GPC1: variants seen among roughly 807,000 people sequenced by gnomAD.
The protein encoded by GPC1 is glypican 1, also known as glypican-1.
GPC1 carries 26 observed loss-of-function variants against 51.5 expected under a neutral mutation model. The ratio of observed to expected loss-of-function variants is 0.50; its 90% CI spans 0.37 to 0.70. GPC1 has a LOEUF of 0.70. Ranked by LOEUF, GPC1 falls within the 30% of genes least tolerant of loss-of-function variation. The pLI is 0.00. For synonymous variants in GPC1, 380 were observed against 348.3 expected, an observed-to-expected ratio of 1.09 and a Z score of -1.01; for missense variants, 775 against 800.5, an observed-to-expected ratio of 0.97 and a Z score of 0.38.
rs1352310255 is a variant in GPC1 at position 240,459,040 on chromosome 2, G to T, written c.177G>T (p.Leu59=). The T allele has an allele frequency of 6.2e-7, 1 of 1,612,764 alleles. No individual in the cohort carries two copies. Among genetic ancestry groups the T allele is most frequent in the South Asian group, 1.1e-5 (1 of 91,074 alleles). ...GGCCTTTCCCCACAGGTGAGCACCT[G>T]CGGATCTGTCCCCAGGGCTACACCT... The part of the protein sequence containing the change: ...VPQAEISGEH[L]RICPQGYTCC... The change falls in exon 2 of 9, where the codon CTG becomes CTT. Residue 59 remains leucine, a synonymous_variant. Coordinates refer to ENST00000264039, the MANE Select transcript of GPC1 (RefSeq NM_002081.3).
At chr2:240,461,177 T>C (rs1177714723) in intron 2 of GPC1, among the ~76,000 whole-genome samples, 2 of 152,180 alleles carry the variant, frequency 1.3e-5, no homozygotes, top group Non-Finnish European at 2.9e-5. Context: ...GACAGCTGTG[T>C]GGCCCGTCCA....
chr2:240,441,325 G>T (rs1388286478), intron 1 of GPC1, among the ~76,000 whole-genome samples: 1 of 152,272 alleles, frequency 6.6e-6, no homozygotes, highest in African/African-American at 2.4e-5. Flanking sequence ...GACGAGCCAG[G>T]GGAGGGGCTC....
intron 1 of GPC1, chr2:240,456,127 G>C (rs1172278967): frequency 3.6e-6 from 1 of 280,744 alleles, no homozygotes; most frequent in Non-Finnish European, 7.1e-6. Flanking sequence ...CGAGTTGGCC[G>C]GGCGGGGCTG....
chr2:240,454,978 G>A (rs775999141), intron 1 of GPC1: 20 of 227,512 alleles, frequency 8.8e-5, no homozygotes, highest in Non-Finnish European at 1.8e-4. Flanking sequence ...AAACTGCGGG[G>A]TGGGGACATG....
chr2:240,450,623 C>G (rs1375780030), intron 1 of GPC1: 2 of 470,826 alleles, frequency 4.2e-6, no homozygotes, highest in Non-Finnish European at 4.4e-6. Context: ...TGTGTGACCT[C>G]CCATTCAGGG....
chr2:240,440,873 C>T (rs1330778675), intron 1 of GPC1, among the ~76,000 whole-genome samples: 2 of 152,274 alleles, frequency 1.3e-5, no homozygotes, highest in African/African-American at 2.4e-5. Context: ...CCTCACCCTC[C>T]GGCCTGGCTC....
At chr2:240,458,742 G>A (rs571016953) in intron 1 of GPC1, 4 of 397,600 alleles carry the variant, frequency 1.0e-5, no homozygotes, top group Non-Finnish European at 1.4e-5. Flanking sequence ...GCTTGCAGCT[G>A]CTGGGACAGC....
intron 3 of GPC1, among the ~76,000 whole-genome samples, chr2:240,463,120 G>A (rs551604762): frequency 1.1e-4 from 17 of 152,230 alleles, no homozygotes; most frequent in African/African-American, 3.9e-4. Flanking sequence ...AGCGGCATGC[G>A]GGTGAGGATA....
chr2:240,457,434 A>G (rs1384833431), intron 1 of GPC1: 2 of 470,660 alleles, frequency 4.2e-6, no homozygotes, highest in Admixed American at 4.7e-5. Context: ...GCGGAAGATC[A>G]GCAAACTCAG....
At chr2:240,442,128 C>A (rs542200650) in intron 1 of GPC1, among the ~76,000 whole-genome samples, 2 of 152,336 alleles carry the variant, frequency 1.3e-5, no homozygotes, top group East Asian at 3.9e-4. Context: ...CCTCCCTCCA[C>A]GGTGTCCTCC....
chr2:240,455,193 T>C (rs999627913), intron 1 of GPC1, among the ~76,000 whole-genome samples: 1 of 152,044 alleles, frequency 6.6e-6, no homozygotes, highest in Non-Finnish European at 1.5e-5. Context: ...CTGGAGACTC[T>C]GGGTTTGAGG....
chr2:240,447,463 G>A (rs74578793), intron 1 of GPC1, among the ~76,000 whole-genome samples: 13,201 of 152,250 alleles, frequency 0.087, 811 homozygotes, highest in East Asian at 0.19. Context: ...GGGAGGGCAC[G>A]TAGGTGTGCA....
intron 1 of GPC1, among the ~76,000 whole-genome samples, chr2:240,438,422 C>T (rs546343091): frequency 6.6e-6 from 1 of 152,316 alleles, no homozygotes; most frequent in South Asian, 2.1e-4. Context: ...TGGGCCTGGG[C>T]TCCGTGGAAC....
intron 1 of GPC1, among the ~76,000 whole-genome samples, chr2:240,445,869 A>T (rs1021151125): frequency 1.3e-5 from 2 of 152,200 alleles, no homozygotes; most frequent in African/African-American, 4.8e-5. Flanking sequence ...TGTAGTCAGT[A>T]TTAGGCCCGT....
chr2:240,442,936 G>A (rs2074027654), intron 1 of GPC1, among the ~76,000 whole-genome samples: 1 of 152,248 alleles, frequency 6.6e-6, no homozygotes, highest in African/African-American at 2.4e-5. Context: ...CCGTCCACCT[G>A]AGGCGCTCTC....
At chr2:240,450,363 CAG>C (rs1015837778) in intron 1 of GPC1, 1 of 342,804 alleles carries the variant, frequency 2.9e-6, no homozygotes, top group Non-Finnish European at 5.8e-6. Context: ...GGATTGGAGT[CAG>C]GGCAGGCTGC....
Position 240,462,408 on chromosome 2 carries a change from G to C in GPC1, c.543G>C (p.Gln181His), listed in dbSNP as rs1390194276. 1 of 1,601,344 alleles carries C rather than the reference G, an allele frequency of 6.2e-7. No homozygotes were observed. The highest frequency in any genetic ancestry group is 1.3e-5 in the African/African-American group (1 of 74,640). The change falls in exon 3 of 9, where the codon CAG becomes CAC. Residue 181 changes from glutamine (Q) to histidine (H), a missense_variant. Physicochemically the swap from Gln to His is conservative, Grantham distance 24. Transcript: ENST00000264039. Reference sequence around the variant, plus strand: ...GCCTCTTCAAGCAGCTGCACCCCCAGCTGCTGCTGCCTGATGACTACCTGG... The same window carrying C: ...GCCTCTTCAAGCAGCTGCACCCCCACCTGCTGCTGCCTGATGACTACCTGG... ...LERLFKQLHPQLLLPDDYLDC... is the reference protein window; with the variant it reads ...LERLFKQLHPHLLLPDDYLDC...
intron 1 of GPC1, chr2:240,452,771 A>G (rs1372203065): frequency 2.0e-5 from 3 of 149,112 alleles, no homozygotes; most frequent in African/African-American, 7.3e-5. Context: ...CTGCGGGAGG[A>G]CGCTCGTCCC....
chr2:240,456,884 T>A (rs933045831), intron 1 of GPC1, among the ~76,000 whole-genome samples: 1 of 152,102 alleles, frequency 6.6e-6, no homozygotes, highest in Non-Finnish European at 1.5e-5. Context: ...TTCCCACCCA[T>A]GTGAGGAGTG....
Sources: allele counts gnomAD v4.1 joint callset (sites outside exome capture counted in the v4.1 genomes callset), GRCh38; gene constraint gnomAD v4.1.1; transcripts MANE v1.5; gene names NCBI Gene and HGNC (gene_info 2026-07-23, HGNC 2026-07-21).